The following NBEA variants were observed in gnomAD, a reference collection of about 807,000 sequenced individuals.
NBEA encodes the protein neurobeachin, also known as lysosomal-trafficking regulator 2.
Under a neutral mutation model 343.4 loss-of-function variants are expected in NBEA, and 44 were observed. The ratio of observed to expected loss-of-function variants is 0.13; its 90% CI spans 0.10 to 0.16. NBEA has a LOEUF of 0.16. Among genes scored for constraint, NBEA ranks in the 10% least tolerant of loss-of-function variants. The pLI, the probability that NBEA is intolerant of heterozygous loss-of-function variation, is 1.00. For synonymous variants in NBEA, 1,175 were observed against 1,238.7 expected, an observed-to-expected ratio of 0.95 and a Z score of 1.08; for missense variants, 2,555 against 3,631.3, an observed-to-expected ratio of 0.70 and a Z score of 7.62.
chr13:35,489,489 A>T (rs950257910), intron 41 of NBEA, among the ~76,000 whole-genome samples: 2 of 151,900 alleles, frequency 1.3e-5, no homozygotes, highest in African/African-American at 2.4e-5. Context: ...ATTTATTCTT[A>T]TGCTCTTCTC....
intron 38 of NBEA, among the ~76,000 whole-genome samples, chr13:35,368,998 A>G (rs1245452005): frequency 1.3e-5 from 2 of 151,718 alleles, no homozygotes; most frequent in Non-Finnish European, 3.0e-5. Flanking sequence ...GGCACACATC[A>G]GTGCTCCGAA....
At chr13:35,416,038 T>C (rs1023160780) in intron 38 of NBEA, among the ~76,000 whole-genome samples, 1 of 151,954 alleles carries the variant, frequency 6.6e-6, no homozygotes, top group Non-Finnish European at 1.5e-5. Context: ...CCCTGTTTGT[T>C]TGTTATTGGT....
chr13:35,094,849 C>A (rs776254096), intron 10 of NBEA, among the ~76,000 whole-genome samples: 2 of 151,906 alleles, frequency 1.3e-5, no homozygotes, highest in Non-Finnish European at 2.9e-5. Flanking sequence ...CTTACTGATA[C>A]CGTAAATCTG....
rs73167726 is a variant in NBEA, at chr13:34,993,117, T to C, written c.295-47816T>C. Among the ~76,000 whole-genome samples the C allele has an allele frequency of 4.5e-3, 679 of 152,346 alleles. 5 individuals are homozygous for C. Among genetic ancestry groups the C allele is most frequent in the Non-Finnish European group, 6.5e-3 (440 of 68,034 alleles). ...TATACTGCAAACACACTAGCCATCT[T>C]ATATCGTATCTTATTAGAGCTTATT... On this transcript the variant is annotated intron_variant, in intron 1 of 58. Coordinates refer to ENST00000379939, the MANE Select transcript of NBEA (RefSeq NM_001385012.1).
chr13:35,305,075 T>G (rs752074712), intron 35 of NBEA, among the ~76,000 whole-genome samples: 1 of 152,210 alleles, frequency 6.6e-6, no homozygotes, highest in Admixed American at 6.5e-5. Context: ...CAGTTTTAAG[T>G]GTGTCAGTGT....
At chr13:34,957,014 T>TATATATATACACACACACACAC (rs1293923544) in intron 1 of NBEA, among the ~76,000 whole-genome samples, 1 of 151,428 alleles carries the variant, frequency 6.6e-6, no homozygotes, top group African/African-American at 2.4e-5. Flanking sequence ...GTGGAATATA[T>TATATATATACACACACACACAC]ATATATATAC....
At chr13:35,389,009 G>A (rs927723174) in intron 38 of NBEA, among the ~76,000 whole-genome samples, 1 of 151,158 alleles carries the variant, frequency 6.6e-6, no homozygotes, top group Admixed American at 6.6e-5. Context: ...GAAAAGTCTG[G>A]CGGGTTTCTT....
At chr13:35,665,022 C>A in intron 55 of NBEA, 63 bp from the exon 56 acceptor site, 2 of 1,082,304 alleles carry the variant, frequency 1.8e-6, no homozygotes, top group Non-Finnish European at 2.8e-6. Context: ...TATTGCATTG[C>A]TGGTGTAGCT....
At position 34,968,633 on chromosome 13, in the gene NBEA, C is replaced by A. The variant is rs545214162; in HGVS notation, c.294+25519C>A. Among the ~76,000 whole-genome samples the A allele has an allele frequency of 1.7e-4, 26 of 152,280 alleles. 1 individual carries two copies. The highest frequency in any genetic ancestry group is 6.8e-3 in the Middle Eastern group (2 of 294). ...TTTACAATAAGACATTGAGCTAGAA[C>A]TGACCTATAGGTAGTAGTTTGCAGA... On this transcript the variant is annotated intron_variant, in intron 1 of 58. Coordinates refer to ENST00000379939, the MANE Select transcript of NBEA (RefSeq NM_001385012.1).
At chr13:35,475,703 G>A (rs1188069646) in intron 41 of NBEA, 4 of 1,613,520 alleles carry the variant, frequency 2.5e-6, no homozygotes, top group African/African-American at 1.3e-5. Context: ...ACCACATCCC[G>A]GTAGCTACAT....
chr13:35,226,849 C>T (rs1385870397), intron 33 of NBEA, among the ~76,000 whole-genome samples: 1 of 152,024 alleles, frequency 6.6e-6, no homozygotes, highest in Non-Finnish European at 1.5e-5. Flanking sequence ...GATTTTCCTG[C>T]CTCAGCTTCC....
chr13:35,502,144 T>C (rs2076914457), intron 41 of NBEA, among the ~76,000 whole-genome samples: 1 of 152,096 alleles, frequency 6.6e-6, no homozygotes, highest in Non-Finnish European at 1.5e-5. Context: ...GTGAATGTGC[T>C]CTTATTGGGG....
chr13:35,630,165 A>G (rs2083390931), intron 49 of NBEA, among the ~76,000 whole-genome samples: 1 of 152,206 alleles, frequency 6.6e-6, no homozygotes, highest in African/African-American at 2.4e-5. Flanking sequence ...GGTTTGTCCA[A>G]TTTAAATGAG....
At chr13:35,593,535 A>C (rs1395684741) in intron 47 of NBEA, 88 bp downstream of exon 47, 5 of 929,430 alleles carry the variant, frequency 5.4e-6, no homozygotes, top group Non-Finnish European at 7.9e-6. Context: ...AAGACATTTT[A>C]TATTGCAGCT....
chr13:35,268,692 A>G (rs1034878353), intron 34 of NBEA, among the ~76,000 whole-genome samples: 4 of 152,122 alleles, frequency 2.6e-5, no homozygotes, highest in East Asian at 1.9e-4. Flanking sequence ...ATCATTTTGT[A>G]TATTCATTTC....
intron 46 of NBEA, among the ~76,000 whole-genome samples, chr13:35,589,001 G>A (rs2081407578): frequency 6.6e-6 from 1 of 152,114 alleles, no homozygotes; most frequent in African/African-American, 2.4e-5. Context: ...TATATGTATA[G>A]TAGAAACATT....
chr13:35,442,476 C>T (rs1224789723), intron 39 of NBEA, among the ~76,000 whole-genome samples: 2 of 151,982 alleles, frequency 1.3e-5, no homozygotes, highest in Non-Finnish European at 2.9e-5. Context: ...TTTACCGTCA[C>T]GTATATTCTT....
intron 13 of NBEA, among the ~76,000 whole-genome samples, chr13:35,114,976 C>T (rs1296179409): frequency 6.6e-6 from 1 of 152,044 alleles, no homozygotes; most frequent in African/African-American, 2.4e-5. Context: ...TGTAGGCACT[C>T]GCCTTGAGAA....
intron 38 of NBEA, among the ~76,000 whole-genome samples, chr13:35,389,020 T>G (rs1050605373): frequency 6.6e-6 from 1 of 151,484 alleles, no homozygotes; most frequent in Non-Finnish European, 1.5e-5. Flanking sequence ...CGGGTTTCTT[T>G]TTTTTTTTTT....
Sources: gnomAD v4.1 joint callset for allele counts (sites outside exome capture counted in the v4.1 genomes callset) on GRCh38, gnomAD v4.1.1 for gene constraint, MANE v1.5 for transcripts, NCBI Gene and HGNC (gene_info 2026-07-23, HGNC 2026-07-21) for gene names.